Variants in DGKB observed in about 807,000 individuals in gnomAD.
DGKB encodes diacylglycerol kinase beta, also known as 90 kDa diacylglycerol kinase.
A neutral mutation model predicts 114.3 loss-of-function variants in DGKB; 67 were observed. The observed-to-expected ratio is 0.59, with a 90% CI of 0.48 to 0.72. DGKB has a LOEUF of 0.72. Ranked by LOEUF, DGKB falls within the 30% of genes least tolerant of loss-of-function variation. The pLI, the probability that DGKB is intolerant of heterozygous loss-of-function variation, is 0.00. For missense variants in DGKB, 907 were observed against 975.2 expected, an observed-to-expected ratio of 0.93 and a Z score of 0.93; for synonymous variants, 398 against 323.1, an observed-to-expected ratio of 1.23 and a Z score of -2.49.
At chr7:14,882,509 G>A (rs1854392670) in intron 1 of DGKB, among the ~76,000 whole-genome samples, 1 of 151,942 alleles carries the variant, frequency 6.6e-6, no homozygotes, top group Non-Finnish European at 1.5e-5. Context: ...TTGTGTAGTG[G>A]TCAAGTCAGA....
intron 23 of DGKB, among the ~76,000 whole-genome samples, chr7:14,241,408 T>C (rs1187831331): frequency 1.3e-5 from 2 of 152,008 alleles, no homozygotes; most frequent in Non-Finnish European, 2.9e-5. Flanking sequence ...CCTAATATAC[T>C]ATAATTAAAT....
chr7:14,551,448 G>A (rs1795090900), intron 20 of DGKB, among the ~76,000 whole-genome samples: 1 of 152,102 alleles, frequency 6.6e-6, no homozygotes. Context: ...AATTCTTATT[G>A]CCTTGCTTGT....
chr7:14,645,334 G>T (rs1390866469), intron 13 of DGKB, among the ~76,000 whole-genome samples: 1 of 152,074 alleles, frequency 6.6e-6, no homozygotes, highest in Non-Finnish European at 1.5e-5. Flanking sequence ...TGAACTGCAG[G>T]AGCAAAAGAG....
At position 14,801,500 on chromosome 7, in the gene DGKB, G is replaced by C. The variant is rs181555015; in HGVS notation, c.70+39694C>G. Among the ~76,000 whole-genome samples the C allele has an allele frequency of 4.6e-5, 7 of 152,218 alleles. No homozygotes were observed. The East Asian group carries it at 7.7e-4, about 17-fold the overall frequency. On this transcript the variant is annotated intron_variant, in intron 2 of 25. Transcript: ENST00000402815. ...TTGAATTGGTGAACTTAGTAAAATA[G>C]ATTGCCCTCCCCAATGTGAGTGGGC...
intron 25 of DGKB, among the ~76,000 whole-genome samples, chr7:14,149,743 C>A (rs1013986): frequency 0.91 from 138,081 of 152,214 alleles, 62,844 homozygotes; most frequent in East Asian, 1. Flanking sequence ...GCTTAATTTC[C>A]AAACAGTCAT....
chr7:14,843,054 A>G (rs1848155237), intron 1 of DGKB, among the ~76,000 whole-genome samples: 2 of 151,954 alleles, frequency 1.3e-5, no homozygotes, highest in Non-Finnish European at 2.9e-5. Flanking sequence ...CAAAAAAAAC[A>G]TTAGTTGGAT....
At chr7:14,693,602 G>A (rs991231564) in intron 9 of DGKB, among the ~76,000 whole-genome samples, 5 of 150,724 alleles carry the variant, frequency 3.3e-5, no homozygotes, top group South Asian at 2.1e-4. Flanking sequence ...GGCAGAAAAC[G>A]CAATGACTTT....
chr7:14,390,777 A>T (rs1006863425), intron 21 of DGKB, among the ~76,000 whole-genome samples: 40 of 152,226 alleles, frequency 2.6e-4, no homozygotes, highest in African/African-American at 9.4e-4. Flanking sequence ...TTTAAAGTAA[A>T]ATTATCACAA....
intron 1 of DGKB, among the ~76,000 whole-genome samples, chr7:14,942,795 A>C (rs1785640167): frequency 6.6e-6 from 1 of 152,040 alleles, no homozygotes; most frequent in African/African-American, 2.4e-5. Flanking sequence ...TATTTTTTTC[A>C]AAAGTCTTCT....
upstream of DGKB, among the ~76,000 whole-genome samples, chr7:14,905,368 T>C (rs906758801): frequency 1.3e-5 from 2 of 152,022 alleles, no homozygotes; most frequent in African/African-American, 4.8e-5. Flanking sequence ...GGATTGGTGA[T>C]TGAATCTTAT....
At chr7:14,403,190 T>C (rs1027292779) in intron 21 of DGKB, among the ~76,000 whole-genome samples, 1 of 151,740 alleles carries the variant, frequency 6.6e-6, no homozygotes, top group African/African-American at 2.4e-5. Context: ...TCCCATAAAT[T>C]GAACACAGAC....
chr7:14,813,045 C>T (rs1001228595), intron 2 of DGKB, among the ~76,000 whole-genome samples: 1 of 152,068 alleles, frequency 6.6e-6, no homozygotes, highest in African/African-American at 2.4e-5. Context: ...AATAGGAGAG[C>T]AAAGCTCTTA....
intron 1 of DGKB, among the ~76,000 whole-genome samples, chr7:14,923,012 C>T (rs1442253044): frequency 1.3e-5 from 2 of 152,264 alleles, no homozygotes; most frequent in African/African-American, 2.4e-5. Flanking sequence ...TTTCTCCATC[C>T]CTCCTTTTCC....
chr7:14,408,478 T>C (rs778482874), intron 21 of DGKB, among the ~76,000 whole-genome samples: 7 of 152,148 alleles, frequency 4.6e-5, no homozygotes, highest in Non-Finnish European at 8.8e-5. Context: ...ATATTAATGC[T>C]ACCTGATTGT....
chr7:14,718,788 T>A (rs1178378054), intron 5 of DGKB, 103 bp from the exon 6 acceptor site: 1 of 876,002 alleles, frequency 1.1e-6, no homozygotes, highest in Admixed American at 2.9e-5. Flanking sequence ...TAGAAATTTA[T>A]ATTTTTTAGG....
chr7:14,937,018 C>T (rs975963114), intron 1 of DGKB, among the ~76,000 whole-genome samples: 2 of 127,450 alleles, frequency 1.6e-5, no homozygotes, highest in East Asian at 5.0e-4. Context: ...TGATTATGTC[C>T]ATTCACTACA....
At chr7:14,805,313 C>G (rs1020566674) in intron 2 of DGKB, among the ~76,000 whole-genome samples, 1 of 152,042 alleles carries the variant, frequency 6.6e-6, no homozygotes, top group Non-Finnish European at 1.5e-5. Flanking sequence ...TTAGGGGACA[C>G]CATTCAATAG....
intron 21 of DGKB, among the ~76,000 whole-genome samples, chr7:14,368,999 G>C (rs569133894): frequency 6.6e-6 from 1 of 152,146 alleles, no homozygotes; most frequent in South Asian, 2.1e-4. Flanking sequence ...GTATACATGT[G>C]CCATGGTGGT....
intron 21 of DGKB, among the ~76,000 whole-genome samples, chr7:14,398,303 C>T (rs1343760170): frequency 6.6e-6 from 1 of 151,876 alleles, no homozygotes; most frequent in Admixed American, 6.6e-5. Flanking sequence ...TGAGCTGAGG[C>T]CTTGAGACTG....
Sources: allele counts gnomAD v4.1 joint callset (sites outside exome capture counted in the v4.1 genomes callset), GRCh38; gene constraint gnomAD v4.1.1; transcripts MANE v1.5; gene names NCBI Gene and HGNC (gene_info 2026-07-23, HGNC 2026-07-21).